Variants in SCAF8 observed in about 807,000 individuals in gnomAD.
The protein encoded by SCAF8 is SR-related CTD associated factor 8, also known as SR-related and CTD-associated factor 8.
SCAF8 carries 23 observed loss-of-function variants against 140.5 expected under a neutral mutation model. That is an observed-to-expected ratio of 0.16 (90% CI 0.12 to 0.23). SCAF8 has a LOEUF of 0.23. Ranked by LOEUF, SCAF8 falls within the 10% of genes least tolerant of loss-of-function variation. The pLI, the probability that SCAF8 is intolerant of heterozygous loss-of-function variation, is 1.00. For synonymous variants in SCAF8, 575 were observed against 528.9 expected (o/e 1.09, Z -1.20); for missense variants, 1,397 against 1,555.7 (o/e 0.90, Z 1.72).
rs1778739462 is a variant in SCAF8, at chr6:154,831,703, T to A, written c.2360-236T>A. ...CCTTTTAAACCTCCACTCCTGTTCT[T>A]AAAAAAAAAAAAAAAAAAAAAAAAA... On this transcript the variant is annotated intron_variant, in intron 19 of 19. Transcript: ENST00000367178. Among the ~76,000 whole-genome samples, 6 of 48,094 alleles carry A rather than the reference T, an allele frequency of 1.2e-4. No individual in the cohort carries two copies. In the South Asian group the frequency reaches 5.2e-3, roughly 42 times the overall value. The allele number at this position is 48,094 out of a possible 152,430, so 31.6% of individuals were successfully genotyped here. A position where few individuals can be genotyped will look rare whatever the true frequency, so the allele number is the denominator to read the frequency against.
intron 13 of SCAF8, among the ~76,000 whole-genome samples, chr6:154,817,227 T>A (rs1222402573): frequency 6.6e-6 from 1 of 152,178 alleles, no homozygotes; most frequent in Non-Finnish European, 1.5e-5. Flanking sequence ...TAGCAAAGTG[T>A]CACAGCTGCA....
At chr6:154,831,370 C>T (rs931576079) in intron 19 of SCAF8, among the ~76,000 whole-genome samples, 4 of 152,034 alleles carry the variant, frequency 2.6e-5, no homozygotes, top group African/African-American at 9.7e-5. Flanking sequence ...ACCACCACCC[C>T]CTTTTTTTTG....
chr6:154,760,683 G>A (rs1776357191), intron 1 of SCAF8, among the ~76,000 whole-genome samples: 1 of 150,838 alleles, frequency 6.6e-6, no homozygotes, highest in African/African-American at 2.5e-5. Context: ...TGAATTGTGG[G>A]ATTATAGATA....
intron 7 of SCAF8, among the ~76,000 whole-genome samples, chr6:154,802,385 C>T (rs1007234112): frequency 1.1e-4 from 16 of 152,084 alleles, no homozygotes; most frequent in South Asian, 2.1e-4. Flanking sequence ...TTTGGGGGAG[C>T]GCAAGGCAGG....
At chr6:154,755,907 A>G (rs979494682) in intron 1 of SCAF8, among the ~76,000 whole-genome samples, 1 of 152,208 alleles carries the variant, frequency 6.6e-6, no homozygotes, top group Non-Finnish European at 1.5e-5. Context: ...AGCTTTTTGT[A>G]AATCACTGTA....
intron 1 of SCAF8, among the ~76,000 whole-genome samples, chr6:154,756,621 G>C (rs1463340559): frequency 2.0e-5 from 3 of 152,172 alleles, no homozygotes; most frequent in Admixed American, 6.5e-5. Context: ...GTTTGAGTTA[G>C]AACATGATGA....
chr6:154,797,523 G>A (rs1455927711), intron 6 of SCAF8, among the ~76,000 whole-genome samples: 3 of 151,386 alleles, frequency 2.0e-5, no homozygotes, highest in East Asian at 1.9e-4. Flanking sequence ...AGCCTCCCGA[G>A]TAGCTGGGAC....
At position 154,833,584 on chromosome 6, in the gene SCAF8, G is replaced by A. The variant is rs1778816239; in HGVS notation, c.*189G>A. On this transcript the variant is annotated 3_prime_UTR_variant, in exon 20 of 20. Coordinates refer to ENST00000367178, the MANE Select transcript of SCAF8 (RefSeq NM_014892.5). ...AGACATTGTTCTTAATATGAACATG[G>A]TAGGTAAACTTTTTTTTTATTTTTT... 2.1e-6 allele frequency: 1 copy of A among 469,048 alleles called. No homozygotes were observed. Among genetic ancestry groups the A allele is most frequent in the African/African-American group, 2.0e-5 (1 of 49,518 alleles). 29.1% of individuals were successfully genotyped at this position (469,048 alleles called of 1,614,324 possible).
At chr6:154,797,150 T>C (rs1283303899) in intron 6 of SCAF8, among the ~76,000 whole-genome samples, 1 of 151,796 alleles carries the variant, frequency 6.6e-6, no homozygotes, top group East Asian at 1.9e-4. Context: ...GTTTTGTTTT[T>C]CATAGTTGTA....
At chr6:154,740,080 G>C (rs1401550790) in intron 1 of SCAF8, among the ~76,000 whole-genome samples, 1 of 152,060 alleles carries the variant, frequency 6.6e-6, no homozygotes, top group Non-Finnish European at 1.5e-5. Context: ...AATTCTGTCA[G>C]TCAGGCTATA....
At chr6:154,815,207 G>GA (rs1405684217) in intron 12 of SCAF8, among the ~76,000 whole-genome samples, 1 of 152,226 alleles carries the variant, frequency 6.6e-6, no homozygotes, top group Non-Finnish European at 1.5e-5. Context: ...TGAGGCAGGA[G>GA]AATGGCATGA....
intron 1 of SCAF8, among the ~76,000 whole-genome samples, chr6:154,759,563 G>C (rs767431203): frequency 6.6e-6 from 1 of 151,832 alleles, no homozygotes; most frequent in Admixed American, 6.6e-5. Context: ...ATGAGAAAGC[G>C]TATGAGCATT....
chr6:154,751,447 C>T (rs894159579), intron 1 of SCAF8, among the ~76,000 whole-genome samples: 3 of 152,002 alleles, frequency 2.0e-5, no homozygotes, highest in Non-Finnish European at 4.4e-5. Context: ...AGGCTGGTCT[C>T]GAACTCCCTA....
At chr6:154,762,633 C>T (rs1055204470) in intron 1 of SCAF8, among the ~76,000 whole-genome samples, 1 of 152,126 alleles carries the variant, frequency 6.6e-6, no homozygotes, top group Non-Finnish European at 1.5e-5. Context: ...CTATTCTAAC[C>T]AAACCAATGA....
chr6:154,792,950 C>T lies in SCAF8; in HGVS notation c.449C>T (p.Thr150Ile). ...PPVVTPVLASTTTAMSNTPGT... is the reference protein window; with the variant it reads ...PPVVTPVLASITTAMSNTPGT... Reference sequence around the variant, plus strand: ...GTTGTCACACCTGTTTTGGCCAGCACTACCACTGCTATGAGCAATACTCCA... The same window carrying T: ...GTTGTCACACCTGTTTTGGCCAGCATTACCACTGCTATGAGCAATACTCCA... The change falls in exon 5 of 20, where the codon ACT becomes ATT. Residue 150 changes from threonine to isoleucine, a missense_variant. Physicochemically the swap from Thr to Ile is moderately conservative, Grantham distance 89 (BLOSUM62 -1). Coordinates refer to ENST00000367178, the MANE Select transcript of SCAF8 (RefSeq NM_014892.5). 1 of 1,613,660 alleles carries T rather than the reference C, an allele frequency of 6.2e-7. No individual in the cohort carries two copies. Among genetic ancestry groups the T allele is most frequent in the South Asian group, 1.1e-5 (1 of 90,988 alleles).
chr6:154,796,162 A>G (rs2114886888), intron 6 of SCAF8, among the ~76,000 whole-genome samples: 1 of 152,274 alleles, frequency 6.6e-6, no homozygotes. Context: ...AGACTCATAG[A>G]AATACCTCAT....
chr6:154,767,080 G>T (rs1776596423), intron 1 of SCAF8, among the ~76,000 whole-genome samples: 1 of 152,050 alleles, frequency 6.6e-6, no homozygotes, highest in Admixed American at 6.6e-5. Context: ...ATTTTAAAAG[G>T]CAGTCCCTTA....
chr6:154,774,436 A>T (rs1174940841), intron 2 of SCAF8, among the ~76,000 whole-genome samples: 7 of 152,188 alleles, frequency 4.6e-5, no homozygotes, highest in Non-Finnish European at 7.4e-5. Flanking sequence ...TCTTCCATAA[A>T]TTTTTTGAAG....
At chr6:154,759,523 G>GA (rs1284802602) in intron 1 of SCAF8, among the ~76,000 whole-genome samples, 12 of 152,120 alleles carry the variant, frequency 7.9e-5, no homozygotes, top group African/African-American at 2.9e-4. Context: ...TTATTTATGT[G>GA]AAAACAGTTG....
Sources: gnomAD v4.1 joint callset for allele counts (sites outside exome capture counted in the v4.1 genomes callset) on GRCh38, gnomAD v4.1.1 for gene constraint, MANE v1.5 for transcripts, NCBI Gene and HGNC (gene_info 2026-07-23, HGNC 2026-07-21) for gene names.